PRKAA1: variants seen among roughly 807,000 people sequenced by gnomAD.
PRKAA1 encodes protein kinase AMP-activated catalytic subunit alpha 1.
PRKAA1 carries 23 observed loss-of-function variants against 56.9 expected under a neutral mutation model. The ratio of observed to expected loss-of-function variants is 0.40; its 90% CI spans 0.29 to 0.57. The LOEUF (loss-of-function observed/expected upper bound fraction) is 0.57. PRKAA1 is among the 20% of genes least tolerant of loss of function. PRKAA1 has a pLI of 0.39. For synonymous variants in PRKAA1, 226 were observed against 227.0 expected, an observed-to-expected ratio of 1.00 and a Z score of 0.04; for missense variants, 413 against 679.7, an observed-to-expected ratio of 0.61 and a Z score of 4.36.
chr5:40,787,129 A>G (rs183552391), intron 1 of PRKAA1, among the ~76,000 whole-genome samples: 2 of 152,196 alleles, frequency 1.3e-5, no homozygotes, highest in Admixed American at 1.3e-4. Flanking sequence ...AAGTAAATGA[A>G]TTATATATCT....
Position 40,764,609 on chromosome 5 carries a change from C to A in PRKAA1, c.1340G>T (p.Arg447Met). ...VVNPYYLRVR[R>M]KNPVTSTYSK... Reference sequence around the variant, plus strand: ...GTAAGTGCTTGTCACAGGATTCTTCCTTCGTACACGCAAATAATATGGGTT... The same window carrying A: ...GTAAGTGCTTGTCACAGGATTCTTCATTCGTACACGCAAATAATATGGGTT... The change falls in exon 8 of 9, where the codon AGG becomes ATG. Residue 447 changes from arginine (R) to methionine (M), a missense_variant. Arg to Met is a moderately conservative substitution (Grantham distance 91). Transcript: ENST00000397128. 2 of 1,613,984 alleles carry A rather than the reference C, an allele frequency of 1.2e-6. No homozygotes were observed. Among genetic ancestry groups the A allele is most frequent in the Non-Finnish European group, 1.7e-6 (2 of 1,179,968 alleles).
chr5:40,763,603 A>G (rs1309326155), intron 8 of PRKAA1, among the ~76,000 whole-genome samples: 1 of 152,174 alleles, frequency 6.6e-6, no homozygotes, highest in African/African-American at 2.4e-5. Flanking sequence ...TCGAAGAAAA[A>G]CTAAGGTTGG....
intron 3 of PRKAA1, 114 bp downstream of exon 3, chr5:40,775,296 T>C (rs546012958): frequency 5.2e-5 from 41 of 783,094 alleles, no homozygotes; most frequent in Non-Finnish European, 8.3e-5. Context: ...AATATATGAC[T>C]AAGGGAACTG....
chr5:40,763,145 A>C, intron 8 of PRKAA1, 123 bp from the exon 9 acceptor site: 1 of 886,324 alleles, frequency 1.1e-6, no homozygotes, highest in Admixed American at 2.5e-5. Flanking sequence ...CGCTTATTCT[A>C]AATACCTTCT....
At chr5:40,797,451 A>G (rs749185043) in intron 1 of PRKAA1, among the ~76,000 whole-genome samples, 6 of 152,230 alleles carry the variant, frequency 3.9e-5, no homozygotes, top group Non-Finnish European at 8.8e-5. Flanking sequence ...GAACCAGTTT[A>G]TACTCATTAA....
chr5:40,782,763 G>A (rs575790606), intron 1 of PRKAA1, among the ~76,000 whole-genome samples: 1 of 152,146 alleles, frequency 6.6e-6, no homozygotes, highest in South Asian at 2.1e-4. Context: ...AGGGAAGGTG[G>A]TAACTACGGA....
Position 40,798,316 on chromosome 5 carries a change from A to G in PRKAA1, c.-127T>C. On this transcript the variant is annotated 5_prime_UTR_variant, in exon 1 of 9. Coordinates refer to ENST00000397128, the MANE Select transcript of PRKAA1 (RefSeq NM_006251.6). ...CCTGCGCCGCCAGCCCAGGCCCCGC[A>G]GCCTACGTCGGGCGCAGACGCTCCC... 1 of 503,850 alleles carries G rather than the reference A, an allele frequency of 2.0e-6. No individual in the cohort carries two copies. The highest frequency in any genetic ancestry group is 3.0e-6 in the Non-Finnish European group (1 of 332,594). The allele number at this position is 503,850 out of a possible 1,614,324, so 31.2% of individuals were successfully genotyped here.
chr5:40,765,315 G>A, intron 6 of PRKAA1, 77 bp from the exon 7 acceptor site: 1 of 1,424,818 alleles, frequency 7.0e-7, no homozygotes. Context: ...AGGGAATTTA[G>A]AATATGACTT....
chr5:40,771,569 G>C, intron 4 of PRKAA1, 150 bp downstream of exon 4: 1 of 698,612 alleles, frequency 1.4e-6, no homozygotes, highest in Non-Finnish European at 2.2e-6. Context: ...TCTTCTTTTT[G>C]TATCTTCATA....
rs372971406 is a variant in PRKAA1, at chr5:40,798,154, T to G, written c.36A>C (p.Thr12=). 9.4e-5 allele frequency: 148 copies of G among 1,576,458 alleles called. No individual in the cohort carries two copies. Among genetic ancestry groups the G allele is most frequent in the Middle Eastern group, 8.5e-4 (5 of 5,868 alleles). ...GCCCGTCGTGTTTCTGCTTCTCGGC[T>G]GTCGCCATCTTTCTCCAGGAACTGA... ...RRLSSWRKMA[T]AEKQKHDGRV... The change falls in exon 1 of 9, where the codon ACA becomes ACC. Residue 12 remains threonine, a synonymous_variant. Coordinates refer to ENST00000397128, the MANE Select transcript of PRKAA1 (RefSeq NM_006251.6).
chr5:40,787,202 A>G (rs986370285), intron 1 of PRKAA1, among the ~76,000 whole-genome samples: 5 of 152,116 alleles, frequency 3.3e-5, no homozygotes, highest in African/African-American at 1.2e-4. Context: ...GCGGTGGCTC[A>G]CACCTGTAAT....
rs1361637039 is a variant in PRKAA1 at position 40,762,699 on chromosome 5, T to C, written c.*79A>G. 2.6e-6 allele frequency: 4 copies of C among 1,551,246 alleles called. No individual in the cohort carries two copies. Among genetic ancestry groups the C allele is most frequent in the Non-Finnish European group, 8.8e-7 (1 of 1,139,540 alleles). ...GCCCTCGGTTATAATTATGTATAAC[T>C]TGATTACAAATGGAAGCATTTGGCT... is the stretch of plus-strand genomic sequence containing the variant. On this transcript the variant is annotated 3_prime_UTR_variant, in exon 9 of 9. Coordinates refer to ENST00000397128, the MANE Select transcript of PRKAA1 (RefSeq NM_006251.6).
intron 6 of PRKAA1, among the ~76,000 whole-genome samples, chr5:40,766,821 G>GA (rs1233543936): frequency 5.9e-3 from 1 of 170 alleles, no homozygotes; most frequent in East Asian, 0.083. Context: ...AAAATAGCAA[G>GA]ACCTGTCACT....
Position 40,762,112 on chromosome 5 carries a change from A to T in PRKAA1, c.*666T>A, listed in dbSNP as rs1743216791. ...ATAGTGAAACCCCGTCTACACTAAA[A>T]ATACGAAAAATTAGCCGGGTGTGGT... On this transcript the variant is annotated 3_prime_UTR_variant, in exon 9 of 9. Transcript: ENST00000397128. 6.6e-6 allele frequency: 1 copy of T among 152,320 alleles called. No homozygotes were observed. The highest frequency in any genetic ancestry group is 1.5e-5 in the Non-Finnish European group (1 of 68,142). The allele number at this position is 152,320 out of a possible 1,614,324, so 9.4% of individuals were successfully genotyped here. A position where few individuals can be genotyped will look rare whatever the true frequency, so the allele number is the denominator to read the frequency against.
chr5:40,785,835 CACACAGAGAGAGAGAGAGAGAGAGAG>C (rs1490412625), intron 1 of PRKAA1, among the ~76,000 whole-genome samples: 3 of 142,132 alleles, frequency 2.1e-5, no homozygotes, highest in Non-Finnish European at 3.1e-5. Context: ...CACACACACA[CACACAGAGAGAGAGAGAGAGAGAGAG>C]AGAGAGAGAG....
At chr5:40,779,092 C>T (rs1744153380) in intron 1 of PRKAA1, among the ~76,000 whole-genome samples, 1 of 151,826 alleles carries the variant, frequency 6.6e-6, no homozygotes, top group South Asian at 2.1e-4. Context: ...AGCCACCATG[C>T]CCAGCCTCTA....
chr5:40,789,974 T>C (rs549797742), intron 1 of PRKAA1: 12 of 152,258 alleles, frequency 7.9e-5, no homozygotes, highest in African/African-American at 2.4e-4. Flanking sequence ...TTGGTTGCAA[T>C]AGGAAGCGAA....
intron 1 of PRKAA1, among the ~76,000 whole-genome samples, chr5:40,790,797 CAA>C (rs1161338780): frequency 6.6e-6 from 1 of 152,158 alleles, no homozygotes; most frequent in African/African-American, 2.4e-5. Flanking sequence ...CTTAGCCTCC[CAA>C]AAGTGCTGGG....
intron 1 of PRKAA1, among the ~76,000 whole-genome samples, chr5:40,778,363 A>G (rs1744113304): frequency 6.6e-6 from 1 of 152,222 alleles, no homozygotes. Context: ...TTCATCCCAA[A>G]TGTTCAGATG....
Sources: allele counts gnomAD v4.1 joint callset (sites outside exome capture counted in the v4.1 genomes callset), GRCh38; gene constraint gnomAD v4.1.1; transcripts MANE v1.5; gene names NCBI Gene and HGNC (gene_info 2026-07-23, HGNC 2026-07-21).